The following XKR9 variants were observed in gnomAD, a reference collection of about 807,000 sequenced individuals.
The protein encoded by XKR9 is XK related 9, also known as XK-related protein 9.
A neutral mutation model predicts 32.0 loss-of-function variants in XKR9; 32 were observed. The observed-to-expected ratio is 1.00, with a 90% CI of 0.76 to 1.34. The LOEUF (loss-of-function observed/expected upper bound fraction) is 1.34, where lower values mean the gene tolerates loss of function less well. Among genes scored for constraint, XKR9 ranks in the 40% most tolerant of loss-of-function variants. XKR9 has a pLI of 0.00. For missense variants in XKR9, 546 were observed against 429.7 expected, an observed-to-expected ratio of 1.27 and a Z score of -2.39; for synonymous variants, 168 against 143.4, an observed-to-expected ratio of 1.17 and a Z score of -1.22.
chr8:70,881,440 C>CA, the XKR9 span, among the ~76,000 whole-genome samples: 4 of 152,160 alleles, frequency 2.6e-5, no homozygotes, highest in African/African-American at 9.6e-5. Flanking sequence ...ACAACCCCAT[C>CA]AAAAATGGGC....
In XKR9 at chr8:70,705,646, T is replaced by C. The variant is rs568398157; in HGVS notation, c.273-1287T>C. Reference sequence around the variant, plus strand: ...TTGTGGTGGTAGCATGTGTGGGAAGTAGACCATGGAGGGCCTTGTAACATA... The same window carrying C: ...TTGTGGTGGTAGCATGTGTGGGAAGCAGACCATGGAGGGCCTTGTAACATA... On this transcript the variant is annotated intron_variant, in intron 3 of 4. Transcript: ENST00000408926. Among the ~76,000 whole-genome samples, 7 of 152,126 alleles carry C rather than the reference T, an allele frequency of 4.6e-5. No homozygotes were observed. In the South Asian group the frequency reaches 1.2e-3, roughly 27 times the overall value.
chr8:70,699,139 A>G (rs970673269), intron 3 of XKR9, among the ~76,000 whole-genome samples: 2 of 152,100 alleles, frequency 1.3e-5, no homozygotes, highest in Admixed American at 6.5e-5. Context: ...TCTTTATCCA[A>G]TTTGCCAGTC....
rs946783210 is a variant in XKR9 at position 70,757,801 on chromosome 8, G to T, written n.353-31538G>T. Reference sequence around the variant, plus strand: ...AGGATTTCGCCATGTTGGTCAGGCTGGTCTCGAACTCCTTACCTCAGGTGA... The same window carrying T: ...AGGATTTCGCCATGTTGGTCAGGCTTGTCTCGAACTCCTTACCTCAGGTGA... On this transcript the variant is annotated intron_variant and non_coding_transcript_variant, in intron 2 of 3. Coordinates refer to the XKR9 transcript ENST00000520273. 7.9e-5 allele frequency among the ~76,000 whole-genome samples: 12 copies of T among 152,152 alleles called. No individual in the cohort carries two copies. The East Asian group carries it at 1.9e-3, about 25-fold the overall frequency.
At position 70,775,069 on chromosome 8, in the gene XKR9, A is replaced by G. The variant is rs190228867; in HGVS notation, n.353-14270A>G. Among the ~76,000 whole-genome samples, 493 of 152,252 alleles carry G rather than the reference A, an allele frequency of 3.2e-3. 2 individuals are homozygous for G. The highest frequency in any genetic ancestry group is 5.1e-3 in the Non-Finnish European group (350 of 68,020). ...TATTTTATTAAATTTATCCCTAAAT[A>G]TCTCATTTTTATGTTACTGTAAATA... is the stretch of plus-strand genomic sequence containing the variant. On this transcript the variant is annotated intron_variant and non_coding_transcript_variant, in intron 2 of 3. Transcript: ENST00000520273.
chr8:70,741,099 C>T (rs953386259), intron 2 of XKR9, among the ~76,000 whole-genome samples: 3 of 152,272 alleles, frequency 2.0e-5, no homozygotes, highest in Non-Finnish European at 4.4e-5. Context: ...AGGCAGGCCT[C>T]CTTGAGCTGT....
chr8:70,782,551 T>G (rs944690523), intron 2 of XKR9, among the ~76,000 whole-genome samples: 4 of 151,962 alleles, frequency 2.6e-5, no homozygotes, highest in Admixed American at 6.6e-5. Context: ...GCTTGAGATT[T>G]TGTACCTTTT....
At chr8:70,979,313 G>T in the XKR9 span, among the ~76,000 whole-genome samples, 1 of 152,170 alleles carries the variant, frequency 6.6e-6, no homozygotes, top group Admixed American at 6.5e-5. Context: ...GGAGGAGAAG[G>T]GGTGCTGGGT....
intron 2 of XKR9, among the ~76,000 whole-genome samples, chr8:70,782,058 T>C (rs1225818637): frequency 1.3e-5 from 2 of 152,196 alleles, no homozygotes; most frequent in East Asian, 3.9e-4. Flanking sequence ...GAGTAAAGTC[T>C]TTCTTTACTG....
At chr8:70,764,283 A>G (rs368773805) in intron 2 of XKR9, among the ~76,000 whole-genome samples, 1 of 152,292 alleles carries the variant, frequency 6.6e-6, no homozygotes, top group East Asian at 1.9e-4. Context: ...TGTCTTGCAC[A>G]GCAGTTTTGC....
the XKR9 span, among the ~76,000 whole-genome samples, chr8:70,811,473 A>T: frequency 2.6e-5 from 4 of 152,210 alleles, no homozygotes; most frequent in Non-Finnish European, 4.4e-5. Context: ...AGACACAAAA[A>T]ACCATTCAAA....
chr8:70,725,744 A>G (rs955163528), intron 4 of XKR9, among the ~76,000 whole-genome samples: 3 of 152,080 alleles, frequency 2.0e-5, no homozygotes, highest in African/African-American at 7.2e-5. Context: ...TGTCTCTACT[A>G]AAAATACAAA....
the XKR9 span, among the ~76,000 whole-genome samples, chr8:70,975,694 C>G: frequency 1.3e-5 from 2 of 152,146 alleles, no homozygotes; most frequent in Admixed American, 6.5e-5. Context: ...TAGCTTTGTC[C>G]TTTTTGCTTA....
chr8:70,773,025 A>T (rs918258239), intron 2 of XKR9, among the ~76,000 whole-genome samples: 4 of 152,204 alleles, frequency 2.6e-5, no homozygotes, highest in Non-Finnish European at 4.4e-5. Context: ...TTATTTATAC[A>T]TGTAATGTAG....
At chr8:70,787,892 C>T (rs1807709493) in intron 2 of XKR9, among the ~76,000 whole-genome samples, 2 of 151,864 alleles carry the variant, frequency 1.3e-5, no homozygotes, top group Admixed American at 1.3e-4. Context: ...TGAAATAAAA[C>T]ATTTTGAGTG....
At chr8:70,840,048 C>T in the XKR9 span, among the ~76,000 whole-genome samples, 1 of 152,160 alleles carries the variant, frequency 6.6e-6, no homozygotes, top group East Asian at 1.9e-4. Context: ...TGCATGGCTA[C>T]TAGGGTGGGT....
intron 4 of XKR9, among the ~76,000 whole-genome samples, chr8:70,724,218 C>T (rs550516892): frequency 2.7e-4 from 41 of 152,198 alleles, no homozygotes; most frequent in African/African-American, 9.1e-4. Context: ...TCAGTAATGG[C>T]GCACGCCTCT....
At chr8:70,776,707 T>A (rs1422100222) in intron 2 of XKR9, among the ~76,000 whole-genome samples, 1 of 151,946 alleles carries the variant, frequency 6.6e-6, no homozygotes, top group Non-Finnish European at 1.5e-5. Flanking sequence ...CTGTTCTCTC[T>A]CTTCATGGCT....
the XKR9 span, among the ~76,000 whole-genome samples, chr8:71,009,371 A>C: frequency 1.3e-5 from 2 of 149,850 alleles, no homozygotes; most frequent in Non-Finnish European, 3.0e-5. Flanking sequence ...CATTAGTATT[A>C]GTGTATTTTA....
At chr8:70,697,971 T>G (rs1805351066) in intron 3 of XKR9, among the ~76,000 whole-genome samples, 1 of 152,164 alleles carries the variant, frequency 6.6e-6, no homozygotes, top group Admixed American at 6.5e-5. Context: ...TTTATTTGTG[T>G]AGAGGTGTTT....
Sources: allele counts gnomAD v4.1 joint callset (sites outside exome capture counted in the v4.1 genomes callset), GRCh38; gene constraint gnomAD v4.1.1; transcripts MANE v1.5; gene names NCBI Gene and HGNC (gene_info 2026-07-23, HGNC 2026-07-21).